BMP2K: variants seen among roughly 807,000 people sequenced by gnomAD.
BMP2K encodes the protein BMP-2-inducible protein kinase.
In BMP2K, 74 loss-of-function variants were observed where a neutral mutation model predicts 116.0. The ratio of observed to expected loss-of-function variants is 0.64; its 90% CI spans 0.53 to 0.77. The LOEUF (loss-of-function observed/expected upper bound fraction) is 0.77, where lower values mean the gene tolerates loss of function less well. Among genes scored for constraint, BMP2K ranks in the 30% least tolerant of loss-of-function variants. BMP2K has a pLI of 0.00. For synonymous variants in BMP2K, 486 were observed against 502.5 expected, an observed-to-expected ratio of 0.97 and a Z score of 0.44; for missense variants, 1,365 against 1,403.6, an observed-to-expected ratio of 0.97 and a Z score of 0.44.
At chr4:78,813,084 C>T (rs969606385) in intron 1 of BMP2K, among the ~76,000 whole-genome samples, 1 of 151,944 alleles carries the variant, frequency 6.6e-6, no homozygotes, top group Admixed American at 6.6e-5. Context: ...ACATGAGACC[C>T]ATTTGAAATA....
intron 14 of BMP2K, among the ~76,000 whole-genome samples, chr4:78,880,734 G>C (rs1020068977): frequency 2.2e-4 from 33 of 152,162 alleles, no homozygotes; most frequent in African/African-American, 8.0e-4. Flanking sequence ...TTTAAGAATA[G>C]CTTAAAACTT....
intron 3 of BMP2K, among the ~76,000 whole-genome samples, chr4:78,839,655 A>G (rs1730662676): frequency 6.6e-6 from 1 of 152,168 alleles, no homozygotes; most frequent in Non-Finnish European, 1.5e-5. Flanking sequence ...ATAAAGTATT[A>G]CCTCATGAAA....
intron 1 of BMP2K, among the ~76,000 whole-genome samples, chr4:78,812,156 C>CA (rs950503863): frequency 1.3e-5 from 2 of 151,956 alleles, no homozygotes; most frequent in African/African-American, 4.8e-5. Flanking sequence ...TTAGTAGAGA[C>CA]AGAGTTTCAC....
At chr4:78,813,184 G>T (rs1206003789) in intron 1 of BMP2K, among the ~76,000 whole-genome samples, 1 of 152,106 alleles carries the variant, frequency 6.6e-6, no homozygotes, top group Non-Finnish European at 1.5e-5. Flanking sequence ...ATTTTAAACT[G>T]TTTTTCTCTC....
At position 78,821,401 on chromosome 4, in the gene BMP2K, A is replaced by G. The variant is rs142489465; in HGVS notation, c.179-4636A>G. ...AAAAAAAACACTGTTTCCAATTTCC[A>G]TTTGTGACTACCCCTGTATGTCTGG... On this transcript the variant is annotated intron_variant, in intron 1 of 15. Coordinates refer to ENST00000502613, the MANE Select transcript of BMP2K (RefSeq NM_198892.2). 2.6e-3 allele frequency among the ~76,000 whole-genome samples: 397 copies of G among 152,144 alleles called. 1 individual carries two copies. Among genetic ancestry groups the G allele is most frequent in the African/African-American group, 9.0e-3 (375 of 41,518 alleles).
chr4:78,889,220 CAAAAAAAAAA>C (rs71661191), intron 15 of BMP2K, among the ~76,000 whole-genome samples: 3 of 53,754 alleles, frequency 5.6e-5, no homozygotes, highest in South Asian at 6.4e-4. Context: ...GACTCTGTCT[CAAAAAAAAAA>C]AAAAAAAAAA....
At chr4:78,806,521 C>T (rs1306873898) in intron 1 of BMP2K, among the ~76,000 whole-genome samples, 3 of 152,118 alleles carry the variant, frequency 2.0e-5, no homozygotes, top group Admixed American at 6.5e-5. Context: ...AGATTTACTT[C>T]TTTTCAATCT....
intron 15 of BMP2K, among the ~76,000 whole-genome samples, chr4:78,891,887 T>G (rs559482738): frequency 1.2e-4 from 18 of 152,122 alleles, no homozygotes; most frequent in Non-Finnish European, 2.2e-4. Context: ...GATTACTGAG[T>G]CTAAAATGTG....
intron 10 of BMP2K, among the ~76,000 whole-genome samples, chr4:78,867,368 A>G (rs1265259507): frequency 6.6e-6 from 1 of 152,136 alleles, no homozygotes; most frequent in Non-Finnish European, 1.5e-5. Context: ...ATTTTGATCC[A>G]TCAAAGTCAT....
rs1734823641 is a variant in BMP2K at position 78,913,889 on chromosome 4, T to TA, written c.*1857dup. On this transcript the variant is annotated 3_prime_UTR_variant, in exon 16 of 16. Transcript: ENST00000502613. ...TACTTGTCCTCGTGCCAAAGGCAAA[T>TA]ATGTTTGCACCTTTTTTTTTTTTTC... The TA allele has an allele frequency of 6.6e-6, 1 of 151,910 alleles. No individual in the cohort carries two copies. The highest frequency in any genetic ancestry group is 2.1e-4 in the South Asian group (1 of 4,810). The allele number at this position is 151,910 out of a possible 1,614,324, so 9.4% of individuals were successfully genotyped here.
rs187014622 is a variant in BMP2K at position 78,797,032 on chromosome 4, A to G, written c.178+20311A>G. On this transcript the variant is annotated intron_variant, in intron 1 of 15. Coordinates refer to ENST00000502613, the MANE Select transcript of BMP2K (RefSeq NM_198892.2). The stretch of plus-strand genomic sequence containing the variant: ...ATGAGGGGCCCTAGAGACTAGTGAT[A>G]TAGCAGGAAGTTCAAGAGTACTATG... Among the ~76,000 whole-genome samples, 68 of 152,318 alleles carry G rather than the reference A, an allele frequency of 4.5e-4. 1 individual carries two copies. The Middle Eastern group carries it at 0.01, about 23-fold the overall frequency.
At chr4:78,824,564 C>T (rs771930945) in intron 1 of BMP2K, among the ~76,000 whole-genome samples, 17 of 152,162 alleles carry the variant, frequency 1.1e-4, no homozygotes, top group African/African-American at 1.9e-4. Context: ...CTGCCCTTGA[C>T]GTGGGGATTA....
chr4:78,806,749 G>A (rs1423700134), intron 1 of BMP2K, among the ~76,000 whole-genome samples: 1 of 151,394 alleles, frequency 6.6e-6, no homozygotes, highest in African/African-American at 2.4e-5. Context: ...TGGGATTTTT[G>A]TAGATTTCCT....
chr4:78,813,506 T>G (rs551582658), intron 1 of BMP2K, among the ~76,000 whole-genome samples: 1 of 152,346 alleles, frequency 6.6e-6, no homozygotes, highest in South Asian at 2.1e-4. Flanking sequence ...CTCTGTTTAC[T>G]CTGACCTCTC....
intron 1 of BMP2K, among the ~76,000 whole-genome samples, chr4:78,792,429 A>C (rs545338214): frequency 1.2e-4 from 18 of 152,370 alleles, no homozygotes; most frequent in Admixed American, 1.2e-3. Context: ...TCTTTACTGG[A>C]AACAGTGACA....
intron 10 of BMP2K, among the ~76,000 whole-genome samples, chr4:78,868,333 A>G (rs2110055276): frequency 6.6e-6 from 1 of 152,146 alleles, no homozygotes; most frequent in South Asian, 2.1e-4. Context: ...TCACTATCAC[A>G]AGAAAGACGC....
intron 15 of BMP2K, among the ~76,000 whole-genome samples, chr4:78,899,923 G>T (rs113327704): frequency 1.3e-5 from 2 of 152,172 alleles, no homozygotes; most frequent in African/African-American, 4.8e-5. Context: ...ATTAAGGGAA[G>T]AATTTAGATT....
intron 15 of BMP2K, among the ~76,000 whole-genome samples, chr4:78,893,963 C>T (rs1414705471): frequency 6.6e-6 from 1 of 152,152 alleles, no homozygotes; most frequent in Non-Finnish European, 1.5e-5. Flanking sequence ...TTGTACTTCT[C>T]CATCAGAGCT....
At position 78,872,348 on chromosome 4, in the gene BMP2K, A is replaced by C. The variant is rs76232463; in HGVS notation, c.1609-266A>C. On this transcript the variant is annotated intron_variant, in intron 12 of 15. Coordinates refer to ENST00000502613, the MANE Select transcript of BMP2K (RefSeq NM_198892.2). ...TTTTTTTAACAGCAACCACTATATT[A>C]GTGACTTTAAGCTACTCTTTTTCTT... 4.0e-5 allele frequency: 6 copies of C among 150,980 alleles called. No individual in the cohort carries two copies. In the East Asian group the frequency reaches 7.7e-4, roughly 19 times the overall value. 9.4% of individuals were successfully genotyped at this position (150,980 alleles called of 1,614,324 possible). A position where few individuals can be genotyped will look rare whatever the true frequency, so the allele number is the denominator to read the frequency against.
Sources: gnomAD v4.1 joint callset for allele counts (sites outside exome capture counted in the v4.1 genomes callset) on GRCh38, gnomAD v4.1.1 for gene constraint, MANE v1.5 for transcripts, NCBI Gene and HGNC (gene_info 2026-07-23, HGNC 2026-07-21) for gene names.